The following CDKL2 variants were observed in gnomAD, a reference collection of about 807,000 sequenced individuals.
CDKL2 encodes the protein cyclin-dependent kinase-like 2.
A neutral mutation model predicts 63.9 loss-of-function variants in CDKL2; 64 were observed. The observed-to-expected ratio is 1.00, with a 90% CI of 0.82 to 1.23. The LOEUF is 1.23. CDKL2 is among the 50% of genes most tolerant of loss of function. The pLI is 0.00. For missense variants in CDKL2, 656 were observed against 668.0 expected (o/e 0.98, Z 0.20); for synonymous variants, 211 against 229.2 (o/e 0.92, Z 0.72).
chr4:75,614,383 C>G lies in CDKL2; in HGVS notation c.235G>C (p.Val79Leu). 2 of 1,607,562 alleles carry G rather than the reference C, an allele frequency of 1.2e-6. No homozygotes were observed. Among genetic ancestry groups the G allele is most frequent in the Admixed American group, 1.7e-5 (1 of 59,802 alleles). ...VCKKKKRWYLVFEFVDHTILD... is the reference protein window; with the variant it reads ...VCKKKKRWYLLFEFVDHTILD... ...ATTGTGTGGTCAACAAATTCAAAGACTAGGTACCATCGTTTTTTTTTCTTA... is the reference window on the plus strand; with the variant it reads ...ATTGTGTGGTCAACAAATTCAAAGAGTAGGTACCATCGTTTTTTTTTCTTA... Residue 79 changes from valine to leucine, a missense_variant, in exon 3 of 14, where the codon GTC becomes CTC. Transcript: ENST00000307465.
intron 1 of CDKL2, among the ~76,000 whole-genome samples, chr4:75,628,938 A>G (rs899272823): frequency 6.6e-6 from 1 of 152,120 alleles, no homozygotes; most frequent in Admixed American, 6.6e-5. Flanking sequence ...CATCGACTTA[A>G]ATTATTATTT....
At chr4:75,607,090 T>A in intron 4 of CDKL2, 93 bp downstream of exon 4, 1 of 1,036,264 alleles carries the variant, frequency 9.7e-7, no homozygotes, top group Non-Finnish European at 1.4e-6. Flanking sequence ...TTCCTTTCAG[T>A]ATTAGAGGGA....
intron 1 of CDKL2, among the ~76,000 whole-genome samples, chr4:75,628,783 T>C (rs946355478): frequency 6.6e-6 from 1 of 152,176 alleles, no homozygotes; most frequent in African/African-American, 2.4e-5. Context: ...TAGCAAACTA[T>C]GCTAATCCAA....
At chr4:75,582,449 A>C (rs1399939600) in intron 12 of CDKL2, among the ~76,000 whole-genome samples, 1 of 152,212 alleles carries the variant, frequency 6.6e-6, no homozygotes, top group Non-Finnish European at 1.5e-5. Flanking sequence ...AAAAAGTCAG[A>C]GAACTTGAGG....
chr4:75,625,574 A>G (rs890029869), intron 2 of CDKL2, among the ~76,000 whole-genome samples: 13 of 152,164 alleles, frequency 8.5e-5, no homozygotes, highest in Non-Finnish European at 1.3e-4. Flanking sequence ...ATAAAGAACA[A>G]AAATTAATGC....
At chr4:75,602,519 C>T (rs974155162) in intron 6 of CDKL2, among the ~76,000 whole-genome samples, 1 of 150,304 alleles carries the variant, frequency 6.7e-6, no homozygotes, top group African/African-American at 2.4e-5. Flanking sequence ...CTTCTCTATC[C>T]TTTATTTATT....
intron 2 of CDKL2, among the ~76,000 whole-genome samples, chr4:75,624,006 C>T (rs1279455575): frequency 4.0e-5 from 6 of 151,528 alleles, no homozygotes; most frequent in Admixed American, 2.6e-4. Context: ...TGGTGGCGGG[C>T]GCCTATAGTA....
intron 2 of CDKL2, among the ~76,000 whole-genome samples, chr4:75,624,542 C>G (rs564619922): frequency 6.6e-6 from 1 of 151,192 alleles, no homozygotes; most frequent in Non-Finnish European, 1.5e-5. Flanking sequence ...CAGAGCAAGA[C>G]CCTGTCTCAA....
chr4:75,603,230 G>T (rs1729276388), intron 6 of CDKL2, among the ~76,000 whole-genome samples: 1 of 146,636 alleles, frequency 6.8e-6, no homozygotes, highest in African/African-American at 2.5e-5. Context: ...TCGATCTCCT[G>T]ACCTCATGAT....
chr4:75,619,554 A>G (rs182243832), intron 2 of CDKL2, among the ~76,000 whole-genome samples: 2 of 133,012 alleles, frequency 1.5e-5, no homozygotes, highest in East Asian at 2.3e-4. Flanking sequence ...GACCTCCCAC[A>G]TGGTGATGGG....
At chr4:75,613,067 G>A (rs1729774915) in intron 3 of CDKL2, among the ~76,000 whole-genome samples, 1 of 151,966 alleles carries the variant, frequency 6.6e-6, no homozygotes, top group South Asian at 2.1e-4. Context: ...GGAGCTTGCC[G>A]TGAGCCGAGA....
At position 75,603,963 on chromosome 4, in the gene CDKL2, G is replaced by A. The variant is rs373601942; in HGVS notation, c.656-7C>T. On this transcript the variant is annotated splice_polypyrimidine_tract_variant and splice_region_variant and intron_variant, in intron 5 of 13. Coordinates refer to ENST00000307465, the MANE Select transcript of CDKL2 (RefSeq NM_001330724.2). ...TGCCTTGGAATTAGATTACCTGGAA[G>A]TGAAAACAGCACATATCTCTGTTAT... 1.9e-6 allele frequency: 3 copies of A among 1,603,004 alleles called. No homozygotes were observed. The highest frequency in any genetic ancestry group is 4.5e-5 in the East Asian group (2 of 44,824).
chr4:75,614,408 A>G lies in CDKL2; in HGVS notation c.210T>C (p.Cys70=), dbSNP rs749514840. 6.3e-7 allele frequency: 1 copy of G among 1,595,642 alleles called. No homozygotes were observed. The highest frequency in any genetic ancestry group is 8.6e-7 in the Non-Finnish European group (1 of 1,169,114). The change falls in exon 3 of 14, where the codon TGT becomes TGC. Residue 70 remains cysteine, a synonymous_variant. Coordinates refer to ENST00000307465, the MANE Select transcript of CDKL2 (RefSeq NM_001330724.2). ...CTAGGTACCATCGTTTTTTTTTCTT[A>G]CACACTTCCAAGAGATTCACCAAGT... The part of the protein sequence containing the change: ...HENLVNLLEV[C]KKKKRWYLVF...
intron 2 of CDKL2, among the ~76,000 whole-genome samples, chr4:75,625,154 T>C (rs1481236086): frequency 6.6e-6 from 1 of 152,070 alleles, no homozygotes; most frequent in Non-Finnish European, 1.5e-5. Flanking sequence ...ATGAAATACG[T>C]TTCAAGAACA....
Position 75,625,894 on chromosome 4 carries a change from A to G in CDKL2, c.95T>C (p.Ile32Thr). ...RNKDTGRIVAIKKFLESDDDK... is the reference protein window; with the variant it reads ...RNKDTGRIVATKKFLESDDDK... ...ATCGTCACTTTCTAAGAACTTCTTTATGGCCACAATTCTTCCAGTATCTTT... is the reference window on the plus strand; with the variant it reads ...ATCGTCACTTTCTAAGAACTTCTTTGTGGCCACAATTCTTCCAGTATCTTT... The change falls in exon 2 of 14, where the codon ATA (isoleucine) becomes ACA (threonine). Residue 32 changes from isoleucine (I) to threonine (T), a missense_variant. By Grantham distance (89) the Ile-to-Thr change is moderately conservative. Transcript: ENST00000307465. 6.2e-7 allele frequency: 1 copy of G among 1,613,178 alleles called. No individual in the cohort carries two copies. The highest frequency in any genetic ancestry group is 8.5e-7 in the Non-Finnish European group (1 of 1,179,460).
chr4:75,623,351 G>A (rs1013469289), intron 2 of CDKL2, among the ~76,000 whole-genome samples: 1 of 152,076 alleles, frequency 6.6e-6, no homozygotes, highest in African/African-American at 2.4e-5. Context: ...TAGACCAATG[G>A]GACAGAATAA....
chr4:75,600,231 A>G, intron 7 of CDKL2, 50 bp downstream of exon 7: 1 of 1,187,846 alleles, frequency 8.4e-7, no homozygotes, highest in Non-Finnish European at 1.2e-6. Context: ...ATTGTGGAAG[A>G]CTTTAACCCT....
chr4:75,610,213 A>AT (rs1352263345), intron 3 of CDKL2, among the ~76,000 whole-genome samples: 2 of 145,462 alleles, frequency 1.4e-5, no homozygotes, highest in Non-Finnish European at 3.0e-5. Context: ...AAAAAAAAAA[A>AT]GAAAAAGAAA....
chr4:75,617,212 C>T (rs1000441511), intron 2 of CDKL2, among the ~76,000 whole-genome samples: 1 of 151,706 alleles, frequency 6.6e-6, no homozygotes, highest in African/African-American at 2.4e-5. Flanking sequence ...TAAAAAAAAA[C>T]ACAAACTTCT....
Sources: allele counts gnomAD v4.1 joint callset (sites outside exome capture counted in the v4.1 genomes callset), GRCh38; gene constraint gnomAD v4.1.1; transcripts MANE v1.5; gene names NCBI Gene and HGNC (gene_info 2026-07-23, HGNC 2026-07-21).